FOXD4: variants seen among roughly 807,000 people sequenced by gnomAD.
FOXD4 encodes forkhead box protein D4.
FOXD4 carries 22 observed loss-of-function variants against 26.5 expected under a neutral mutation model. The observed-to-expected ratio is 0.83, with a 90% CI of 0.59 to 1.18. FOXD4 has a LOEUF of 1.18. Among genes scored for constraint, FOXD4 ranks in the 50% most tolerant of loss-of-function variants. FOXD4 has a pLI of 0.00. For missense variants in FOXD4, 625 were observed against 605.8 expected, an observed-to-expected ratio of 1.03 and a Z score of -0.33; for synonymous variants, 258 against 273.7, an observed-to-expected ratio of 0.94 and a Z score of 0.57.
At position 116,949 on chromosome 9, in the gene FOXD4, C is replaced by T. The variant is rs747097660; in HGVS notation, c.1171G>A (p.Ala391Thr). The change falls in exon 1 of 1, where the codon GCC becomes ACC. Residue 391 changes from alanine (A) to threonine (T), a missense_variant. By Grantham distance (58) the Ala-to-Thr change is moderately conservative (BLOSUM62 0). Coordinates refer to ENST00000382500, the MANE Select transcript of FOXD4 (RefSeq NM_207305.5). Reference protein sequence around the residue: ...KGAVLGGHLSAASALLRYQAV... With the variant: ...KGAVLGGHLSTASALLRYQAV... ...TGATACCGCAGCAGCGCCGACGCGG[C>T]CGACAGGTGCCCGCCCAGCACCGCG... 11 of 1,611,496 alleles carry T rather than the reference C, an allele frequency of 6.8e-6. No individual in the cohort carries two copies. In the South Asian group the frequency reaches 1.2e-4, roughly 18 times the overall value.
At position 117,372 on chromosome 9, in the gene FOXD4, C is replaced by A. The variant is rs199938577; in HGVS notation, c.748G>T (p.Gly250Cys). The A allele has an allele frequency of 1.0e-6, 1 of 988,292 alleles. No homozygotes were observed. Among genetic ancestry groups the A allele is most frequent in the African/African-American group, 2.8e-5 (1 of 36,082 alleles). The allele number at this position is 988,292 out of a possible 1,614,324, so 61.2% of individuals were successfully genotyped here. The change falls in exon 1 of 1, where the codon GGC (glycine) becomes TGC (cysteine). Residue 250 changes from glycine (G) to cysteine (C), a missense_variant. By Grantham distance (159) the Gly-to-Cys change is radical. This residue lies in a region of FOXD4 where 92 missense variants were observed against 144.2 expected (regional missense o/e 0.64). Coordinates refer to ENST00000382500, the MANE Select transcript of FOXD4 (RefSeq NM_207305.5). ...AGAGCGTAAGGGCGTCTCCCGGGGC[C>A]GGTGTTGGGGTAGGCCCCCGGGACT... The part of the protein sequence containing the change: ...QPVPGAYPNT[G>C]PGRRPYALLH...
Position 117,869 on chromosome 9 carries a change from G to C in FOXD4, c.251C>G (p.Thr84Ser), listed in dbSNP as rs747433909. 1.2e-6 allele frequency: 2 copies of C among 1,612,010 alleles called. No individual in the cohort carries two copies. The highest frequency in any genetic ancestry group is 4.5e-5 in the East Asian group (2 of 44,878). The change falls in exon 1 of 1, where the codon ACC (threonine) becomes AGC (serine). Residue 84 changes from threonine to serine, a missense_variant. By Grantham distance (58) the Thr-to-Ser change is moderately conservative. Transcript: ENST00000382500. ...GGPSDPSEFG[T>S]EFRAPPRSAA... is the part of the protein sequence containing the mutation. ...AGACCTTGGCGGTGCCCTGAACTCG[G>C]TGCCAAACTCTGAGGGGTCGCTCGG... is the stretch of plus-strand genomic sequence containing the variant.
In FOXD4 at chr9:117,616, C is replaced by T. The variant is rs551317496; in HGVS notation, c.504G>A (p.Glu168=). ...AGTTGCCCTTGCCTGGGCGGCCCGG[C>T]TCGCGGGGGATCTTGACGAAGCAGT... The part of the protein sequence containing the change: ...LNDCFVKIPR[E]PGRPGKGNYW... Residue 168 remains glutamate (E), a synonymous_variant, in exon 1 of 1, where the codon GAG becomes GAA. Coordinates refer to ENST00000382500, the MANE Select transcript of FOXD4 (RefSeq NM_207305.5). The T allele has an allele frequency of 1.4e-5, 22 of 1,613,930 alleles. No homozygotes were observed. Among genetic ancestry groups the T allele is most frequent in the South Asian group, 1.3e-4 (12 of 91,068 alleles).
At position 117,049 on chromosome 9, in the gene FOXD4, G is replaced by A. The variant is rs1267059589; in HGVS notation, c.1071C>T (p.Ala357=). 6.2e-7 allele frequency: 1 copy of A among 1,611,958 alleles called. No homozygotes were observed. The highest frequency in any genetic ancestry group is 1.3e-5 in the African/African-American group (1 of 74,872). Residue 357 remains alanine, a synonymous_variant, in exon 1 of 1, where the codon GCC becomes GCT. Transcript: ENST00000382500. The part of the protein sequence containing the change: ...ATAPCSSDRQ[A]CRTILQQQQR... ...GCTGTTGCTGCAAAATTGTCCGACA[G>A]GCTTGACGGTCGCTGGAGCAGGGGG...
chr9:117,796 C>G lies in FOXD4; in HGVS notation c.324G>C (p.Ser108=). 6.2e-7 allele frequency: 1 copy of G among 1,613,196 alleles called. No homozygotes were observed. The highest frequency in any genetic ancestry group is 2.2e-5 in the East Asian group (1 of 44,868). Reference sequence around the variant, plus strand: ...TGGCCATGGTGATGAGCGCGATGTACGAGGAGGGGGGCTTTGCCGGCTGCC... The same window carrying G: ...TGGCCATGGTGATGAGCGCGATGTAGGAGGAGGGGGGCTTTGCCGGCTGCC... The part of the protein sequence containing the change: ...DARQPAKPPS[S]YIALITMAIL... The change falls in exon 1 of 1, where the codon TCG becomes TCC. Residue 108 remains serine, a synonymous_variant. Transcript: ENST00000382500.
chr9:117,447 G>A lies in FOXD4; in HGVS notation c.673C>T (p.His225Tyr), dbSNP rs766129480. 6.3e-7 allele frequency: 1 copy of A among 1,599,844 alleles called. No individual in the cohort carries two copies. The highest frequency in any genetic ancestry group is 1.1e-5 in the South Asian group (1 of 90,912). Residue 225 changes from histidine to tyrosine, a missense_variant, in exon 1 of 1, where the codon CAC (histidine) becomes TAC (tyrosine). His to Tyr is a moderately conservative substitution (Grantham distance 83, BLOSUM62 2). Around this residue, in one of 3 missense-constraint regions of FOXD4, gnomAD observed 399 missense variants for 329.4 expected, o/e 1.21. Transcript: ENST00000382500. ...AGCAGAGGGCCTGGGCGGGGGTTGTGCAGGGCGGCGTGTGCAGCAGGTAGA... is the reference window on the plus strand; with the variant it reads ...AGCAGAGGGCCTGGGCGGGGGTTGTACAGGGCGGCGTGTGCAGCAGGTAGA... ...FPLPAAHAAL[H>Y]NPRPGPLLGA...
At chr9:117,974 TGCTC>T in the FOXD4 span, 2 of 1,612,022 alleles carry the variant, frequency 1.2e-6, no homozygotes, top group Non-Finnish European at 1.7e-6. Context: ...CTGGAGCGAC[TGCTC>T]TAGGAACTGC....
Position 117,474 on chromosome 9 carries a change from G to C in FOXD4, c.646C>G (p.Pro216Ala). The C allele has an allele frequency of 6.2e-7, 1 of 1,607,772 alleles. No homozygotes were observed. Among genetic ancestry groups the C allele is most frequent in the Non-Finnish European group, 8.5e-7 (1 of 1,179,690 alleles). The change falls in exon 1 of 1, where the codon CCT becomes GCT. Residue 216 changes from proline (P) to alanine (A), a missense_variant. Around this residue, in one of 3 missense-constraint regions of FOXD4, gnomAD observed 399 missense variants for 329.4 expected, o/e 1.21. Coordinates refer to ENST00000382500, the MANE Select transcript of FOXD4 (RefSeq NM_207305.5). The stretch of plus-strand genomic sequence containing the variant: ...AGGGCGGCGTGTGCAGCAGGTAGAG[G>C]GAAGGGGTGGGGCAGGTGGGCTCCC... ...TPGAHLPHPF[P>A]LPAAHAALHN... is the part of the protein sequence containing the mutation.
rs746587827 is a variant in FOXD4, at chr9:117,603, C to T, written c.517G>A (p.Gly173Ser). Residue 173 changes from glycine to serine, a missense_variant, in exon 1 of 1, where the codon GGC (glycine) becomes AGC (serine). Physicochemically the swap from Gly to Ser is moderately conservative, Grantham distance 56 (BLOSUM62 0). Transcript: ENST00000382500. ...VKIPREPGRP[G>S]KGNYWSLDPA... is the part of the protein sequence containing the mutation. The stretch of plus-strand genomic sequence containing the variant: ...TCCAGGCTCCAGTAGTTGCCCTTGC[C>T]TGGGCGGCCCGGCTCGCGGGGGATC... 1.2e-6 allele frequency: 2 copies of T among 1,613,916 alleles called. No individual in the cohort carries two copies. Among genetic ancestry groups the T allele is most frequent in the Admixed American group, 1.7e-5 (1 of 60,028 alleles).
rs138618277 is a variant in FOXD4 at position 118,066 on chromosome 9, C to T, written c.54G>A (p.Arg18=). ...RLRSTPQRSL[R]DSDGEDGKID... ...TTTTACCGTCTTCCCCATCGGAGTC[C>T]CGGAGGCTGCGCTGCGGTGTGGAGC... is the stretch of plus-strand genomic sequence containing the variant. The change falls in exon 1 of 1, where the codon CGG becomes CGA. Residue 18 remains arginine (R), a synonymous_variant. Transcript: ENST00000382500. 3 of 1,612,002 alleles carry T rather than the reference C, an allele frequency of 1.9e-6. No homozygotes were observed. The highest frequency in any genetic ancestry group is 1.3e-5 in the African/African-American group (1 of 74,958).
At position 118,278 on chromosome 9, in the gene FOXD4, A is replaced by T; in HGVS notation, c.-159T>A. On this transcript the variant is annotated 5_prime_UTR_variant, in exon 1 of 1. It adds an upstream start codon to the 5' untranslated region. Transcript: ENST00000382500. Reference sequence around the variant, plus strand: ...TGCTTGTTTCTACGCCTTTGCAACAACGTCCGGCAAAGATGCCTTCGCCTT... The same window carrying T: ...TGCTTGTTTCTACGCCTTTGCAACATCGTCCGGCAAAGATGCCTTCGCCTT... The T allele has an allele frequency of 1.3e-6, 2 of 1,495,014 alleles. No individual in the cohort carries two copies. Among genetic ancestry groups the T allele is most frequent in the Non-Finnish European group, 1.8e-6 (2 of 1,100,298 alleles). The allele number at this position is 1,495,014 out of a possible 1,614,324, so 92.6% of individuals were successfully genotyped here.
At position 117,656 on chromosome 9, in the gene FOXD4, T is replaced by A. The variant is rs966331595; in HGVS notation, c.464A>T (p.Asn155Ile). The A allele has an allele frequency of 1.2e-6, 2 of 1,613,336 alleles. No individual in the cohort carries two copies. Among genetic ancestry groups the A allele is most frequent in the African/African-American group, 2.7e-5 (2 of 74,888 alleles). The change falls in exon 1 of 1, where the codon AAC becomes ATC. Residue 155 changes from asparagine (N) to isoleucine (I), a missense_variant. Transcript: ENST00000382500. ...FPAWQNSIRHNLSLNDCFVKI... is the reference protein window; with the variant it reads ...FPAWQNSIRHILSLNDCFVKI... ...GACGAAGCAGTCGTTCAGCGAGAGG[T>A]TGTGGCGGATGCTGTTCTGCCAGGC... is the stretch of plus-strand genomic sequence containing the variant.
At position 117,937 on chromosome 9, in the gene FOXD4, G is replaced by A. The variant is rs760368859; in HGVS notation, c.183C>T (p.Gly61=). ...LQPGLQVARW[G]GVALPREHIE... The stretch of plus-strand genomic sequence containing the variant: ...TGTGCTCTCGGGGAAGCGCAACCCC[G>A]CCCCACCGGGCCACCTGCAGCCCCG... Residue 61 remains glycine (G), a synonymous_variant, in exon 1 of 1, where the codon GGC becomes GGT. Coordinates refer to ENST00000382500, the MANE Select transcript of FOXD4 (RefSeq NM_207305.5). 1 of 1,611,914 alleles carries A rather than the reference G, an allele frequency of 6.2e-7. No homozygotes were observed. The highest frequency in any genetic ancestry group is 2.2e-5 in the East Asian group (1 of 44,882).
At position 117,727 on chromosome 9, in the gene FOXD4, G is replaced by A. The variant is rs750940115; in HGVS notation, c.393C>T (p.Cys131=). The A allele has an allele frequency of 2.1e-5, 34 of 1,613,028 alleles. No homozygotes were observed. In the South Asian group the frequency reaches 3.6e-4, roughly 17 times the overall value. Residue 131 remains cysteine (C), a synonymous_variant, in exon 1 of 1, where the codon TGC becomes TGT. Transcript: ENST00000382500. ...PHKRLTLSGI[C]AFISDRFPYY... Reference sequence around the variant, plus strand: ...AGGGGAAGCGGTCACTAATGAAGGCGCAGATGCCGCTGAGCGTGAGGCGCT... The same window carrying A: ...AGGGGAAGCGGTCACTAATGAAGGCACAGATGCCGCTGAGCGTGAGGCGCT...
In FOXD4 at chr9:117,442, G is replaced by A. The variant is rs767323341; in HGVS notation, c.678C>T (p.Asn226=). 5.0e-6 allele frequency: 8 copies of A among 1,598,712 alleles called. No individual in the cohort carries two copies. Among genetic ancestry groups the A allele is most frequent in the South Asian group, 2.2e-5 (2 of 90,902 alleles). ...PLPAAHAALH[N]PRPGPLLGAP... ...CCCCAAGCAGAGGGCCTGGGCGGGG[G>A]TTGTGCAGGGCGGCGTGTGCAGCAG... is the stretch of plus-strand genomic sequence containing the variant. The change falls in exon 1 of 1, where the codon AAC becomes AAT. Residue 226 remains asparagine, a synonymous_variant. Transcript: ENST00000382500.
Position 117,653 on chromosome 9 carries a change from A to G in FOXD4, c.467T>C (p.Leu156Pro). The change falls in exon 1 of 1, where the codon CTC (leucine) becomes CCC (proline). Residue 156 changes from leucine (L) to proline (P), a missense_variant. By Grantham distance (98) the Leu-to-Pro change is moderately conservative. This residue lies in a region of FOXD4 where 399 missense variants were observed against 329.4 expected (regional missense o/e 1.21). Transcript: ENST00000382500. ...PAWQNSIRHN[L>P]SLNDCFVKIP... ...CTTGACGAAGCAGTCGTTCAGCGAGAGGTTGTGGCGGATGCTGTTCTGCCA... is the reference window on the plus strand; with the variant it reads ...CTTGACGAAGCAGTCGTTCAGCGAGGGGTTGTGGCGGATGCTGTTCTGCCA... 1 of 1,613,646 alleles carries G rather than the reference A, an allele frequency of 6.2e-7. No homozygotes were observed. Among genetic ancestry groups the G allele is most frequent in the South Asian group, 1.1e-5 (1 of 91,054 alleles).
rs1819377555 is a variant in FOXD4 at position 117,009 on chromosome 9, C to T, written c.1111G>A (p.Glu371Lys). 1 of 1,612,060 alleles carries T rather than the reference C, an allele frequency of 6.2e-7. No homozygotes were observed. The highest frequency in any genetic ancestry group is 8.5e-7 in the Non-Finnish European group (1 of 1,179,848). ...GGAGCGCAGCCGTTGGCGCAGTCCT[C>T]CTCCTGATGCCGCTGCTGTTGCTGC... ...ILQQQQRHQE[E>K]DCANGCAPTK... The change falls in exon 1 of 1, where the codon GAG becomes AAG. Residue 371 changes from glutamate (E) to lysine (K), a missense_variant. Physicochemically the swap from Glu to Lys is moderately conservative, Grantham distance 56 (BLOSUM62 1). Around this residue, in one of 3 missense-constraint regions of FOXD4, gnomAD observed 134 missense variants for 132.2 expected, o/e 1.01. Transcript: ENST00000382500.
rs1194854518 is a variant in FOXD4 at position 118,011 on chromosome 9, C to A, written c.109G>T (p.Asp37Tyr). The change falls in exon 1 of 1, where the codon GAC becomes TAC. Residue 37 changes from aspartate to tyrosine, a missense_variant. Asp to Tyr is a radical substitution (Grantham distance 160). Transcript: ENST00000382500. The stretch of plus-strand genomic sequence containing the variant: ...TGCTGGCTCGCCGCCTCCTCCTCGT[C>A]TTCATCTTCCTCCTCTCCCAGGACA... The part of the protein sequence containing the change: ...IDVLGEEEDE[D>Y]EEEAASQQFL... 3 of 1,611,878 alleles carry A rather than the reference C, an allele frequency of 1.9e-6. No individual in the cohort carries two copies. The South Asian group carries it at 3.3e-5, about 18-fold the overall frequency.
rs1417899037 is a variant in FOXD4, at chr9:116,942, G to A, written c.1178C>T (p.Ser393Leu). The change falls in exon 1 of 1, where the codon TCG (serine) becomes TTG (leucine). Residue 393 changes from serine (S) to leucine (L), a missense_variant. Physicochemically the swap from Ser to Leu is moderately radical, Grantham distance 145 (BLOSUM62 -2). This residue lies in a region of FOXD4 where 134 missense variants were observed against 132.2 expected (regional missense o/e 1.01). Transcript: ENST00000382500. The stretch of plus-strand genomic sequence containing the variant: ...CACCGCCTGATACCGCAGCAGCGCC[G>A]ACGCGGCCGACAGGTGCCCGCCCAG... ...AVLGGHLSAA[S>L]ALLRYQAVAE... 1.2e-6 allele frequency: 2 copies of A among 1,611,328 alleles called. No homozygotes were observed. The highest frequency in any genetic ancestry group is 1.1e-5 in the South Asian group (1 of 90,926).
Sources: allele counts gnomAD v4.1 joint callset, GRCh38; gene constraint gnomAD v4.1.1; regional missense constraint gnomAD v4.1.1; transcripts MANE v1.5; gene names NCBI Gene and HGNC (gene_info 2026-07-23, HGNC 2026-07-21).